GALNT7: variants seen among roughly 807,000 people sequenced by gnomAD.
GALNT7 encodes N-acetylgalactosaminyltransferase 7.
GALNT7 carries 60 observed loss-of-function variants against 82.1 expected under a neutral mutation model. The observed-to-expected ratio is 0.73, with a 90% CI of 0.59 to 0.91. GALNT7 has a LOEUF of 0.91. Ranked by LOEUF, GALNT7 falls within the 40% of genes least tolerant of loss-of-function variation. The probability of loss-of-function intolerance (pLI) is 0.00; values close to 1 mark genes in which losing one functional copy is unlikely to be tolerated. For missense variants in GALNT7, 660 were observed against 804.2 expected, an observed-to-expected ratio of 0.82 and a Z score of 2.17; for synonymous variants, 243 against 275.1, an observed-to-expected ratio of 0.88 and a Z score of 1.15.
Position 173,317,730 on chromosome 4 carries a change from C to CAGGT in GALNT7, c.1707_1707+3dup. 1 of 1,584,940 alleles carries CAGGT rather than the reference C, an allele frequency of 6.3e-7. No individual in the cohort carries two copies. Among genetic ancestry groups the CAGGT allele is most frequent in the Non-Finnish European group, 8.7e-7 (1 of 1,153,620 alleles). ...ACCCTGCCACAGGATGGGAGGGAAT[C>CAGGT]AGGTAAACCACCTTACTTTTGTGTT... On this transcript the variant is annotated frameshift_variant and splice_region_variant, in exon 10 of 12. Transcript: ENST00000265000. LOFTEE classifies it high-confidence loss of function.
intron 1 of GALNT7, among the ~76,000 whole-genome samples, chr4:173,173,053 C>T (rs989036456): frequency 2.0e-5 from 3 of 151,844 alleles, no homozygotes; most frequent in South Asian, 2.1e-4. Context: ...ATTGGCAGGG[C>T]GGTGGTAGAG....
At chr4:173,179,989 C>T (rs1019841221) in intron 1 of GALNT7, among the ~76,000 whole-genome samples, 3 of 152,084 alleles carry the variant, frequency 2.0e-5, no homozygotes, top group African/African-American at 7.2e-5. Context: ...AGTTCCCTTA[C>T]AACCCTAGCA....
chr4:173,249,522 C>T (rs904304036), intron 2 of GALNT7, among the ~76,000 whole-genome samples: 1 of 152,114 alleles, frequency 6.6e-6, no homozygotes, highest in Non-Finnish European at 1.5e-5. Context: ...ACCTCTTATA[C>T]AGAGAACAGT....
intron 1 of GALNT7, among the ~76,000 whole-genome samples, chr4:173,172,714 T>C (rs1731916299): frequency 1.3e-5 from 2 of 152,146 alleles, no homozygotes; most frequent in Non-Finnish European, 2.9e-5. Flanking sequence ...GGCAGCATTC[T>C]TGAGAAGGAG....
At chr4:173,280,211 C>CACACATTA (rs1428141846) in intron 2 of GALNT7, among the ~76,000 whole-genome samples, 3 of 152,274 alleles carry the variant, frequency 2.0e-5, no homozygotes, top group African/African-American at 7.2e-5. Context: ...AGCATGCACA[C>CACACATTA]ACACATTATT....
intron 11 of GALNT7, among the ~76,000 whole-genome samples, chr4:173,319,258 G>T (rs1349321585): frequency 6.6e-6 from 1 of 151,778 alleles, no homozygotes; most frequent in East Asian, 1.9e-4. Context: ...CAAAAAGTGG[G>T]GAAAGCTGCC....
chr4:173,271,262 T>C (rs1397866494), intron 2 of GALNT7, among the ~76,000 whole-genome samples: 4 of 152,162 alleles, frequency 2.6e-5, no homozygotes, highest in Non-Finnish European at 4.4e-5. Context: ...GGTTTGCTGA[T>C]TATGAAGCTG....
intron 3 of GALNT7, among the ~76,000 whole-genome samples, chr4:173,294,543 G>A (rs1225159478): frequency 6.6e-6 from 1 of 151,916 alleles, no homozygotes. Context: ...ATATTCATGG[G>A]CCAAATTTTT....
intron 1 of GALNT7, among the ~76,000 whole-genome samples, chr4:173,178,356 A>G (rs761049672): frequency 2.0e-5 from 3 of 152,160 alleles, no homozygotes; most frequent in Non-Finnish European, 4.4e-5. Context: ...TCAGCATTTC[A>G]ATACTCTTAG....
chr4:173,314,153 C>A lies in GALNT7; in HGVS notation c.1585C>A (p.Pro529Thr), dbSNP rs144873913. ...YDITSHYPLP[P>T]KNVDWGEIRG... ...TATCACCTCACACTACCCTTTGCCACCCAAAAATGTTGACTGGGGAGAAGT... is the reference window on the plus strand; with the variant it reads ...TATCACCTCACACTACCCTTTGCCAACCAAAAATGTTGACTGGGGAGAAGT... The change falls in exon 9 of 12, where the codon CCC (proline) becomes ACC (threonine). Residue 529 changes from proline (P) to threonine (T), a missense_variant. This residue lies in a region of GALNT7 where 527 missense variants were observed against 683.5 expected (regional missense o/e 0.77). Transcript: ENST00000265000. The A allele has an allele frequency of 2.4e-3, 3,925 of 1,611,090 alleles. 13 individuals are homozygous for A. Among genetic ancestry groups the A allele is most frequent in the Middle Eastern group, 0.013 (78 of 6,050 alleles).
At chr4:173,175,188 A>AGAAT (rs1348332222) in intron 1 of GALNT7, among the ~76,000 whole-genome samples, 1 of 152,270 alleles carries the variant, frequency 6.6e-6, no homozygotes, top group Non-Finnish European at 1.5e-5. Context: ...TCATTCCTGA[A>AGAAT]GAATGAATGT....
chr4:173,189,207 T>C (rs963285326), intron 1 of GALNT7, among the ~76,000 whole-genome samples: 2 of 152,236 alleles, frequency 1.3e-5, no homozygotes, highest in African/African-American at 4.8e-5. Flanking sequence ...TACAGTGTAT[T>C]TCACAATTAA....
intron 1 of GALNT7, among the ~76,000 whole-genome samples, chr4:173,232,889 CT>C (rs1734076731): frequency 6.6e-6 from 1 of 152,192 alleles, no homozygotes; most frequent in Non-Finnish European, 1.5e-5. Context: ...ACCAATCTCT[CT>C]TTACCCCTTT....
chr4:173,277,267 G>A (rs1169900504), intron 2 of GALNT7, among the ~76,000 whole-genome samples: 1 of 152,172 alleles, frequency 6.6e-6, no homozygotes, highest in Admixed American at 6.5e-5. Context: ...TAGAACCCAA[G>A]GTCAGGAAGT....
intron 1 of GALNT7, among the ~76,000 whole-genome samples, chr4:173,227,004 C>G (rs1479852767): frequency 1.3e-5 from 2 of 152,104 alleles, no homozygotes; most frequent in African/African-American, 4.8e-5. Context: ...TTTTTCTAAA[C>G]TGGAAATGAA....
At chr4:173,226,918 T>C (rs974971344) in intron 1 of GALNT7, among the ~76,000 whole-genome samples, 7 of 152,246 alleles carry the variant, frequency 4.6e-5, no homozygotes, top group Admixed American at 3.3e-4. Flanking sequence ...GTTTGTTCTA[T>C]AGTTTTTAAA....
intron 2 of GALNT7, among the ~76,000 whole-genome samples, chr4:173,277,107 T>C (rs1047685443): frequency 9.9e-5 from 15 of 152,168 alleles, no homozygotes; most frequent in African/African-American, 3.6e-4. Context: ...TAATATATAA[T>C]AAACTAAAAT....
chr4:173,316,003 T>C (rs1737585070), intron 9 of GALNT7: 2 of 152,404 alleles, frequency 1.3e-5, no homozygotes, highest in Middle Eastern at 3.4e-3. Flanking sequence ...ACTAACTTGT[T>C]GACTCTCCTA....
intron 1 of GALNT7, among the ~76,000 whole-genome samples, chr4:173,225,695 A>G (rs903167439): frequency 2.0e-5 from 3 of 152,196 alleles, no homozygotes. Flanking sequence ...GCTACTTTCT[A>G]AGGAAAACAC....
Sources: allele counts gnomAD v4.1 joint callset (sites outside exome capture counted in the v4.1 genomes callset), GRCh38; gene constraint gnomAD v4.1.1; regional missense constraint gnomAD v4.1.1; transcripts MANE v1.5; gene names NCBI Gene and HGNC (gene_info 2026-07-23, HGNC 2026-07-21).